CYP4X1: variants seen among roughly 807,000 people sequenced by gnomAD.
CYP4X1 encodes the protein cytochrome P450 4X1.
In CYP4X1, 44 loss-of-function variants were observed where a neutral mutation model predicts 57.9. That is an observed-to-expected ratio of 0.76 (90% CI 0.60 to 0.98). The LOEUF is 0.98. CYP4X1 is among the 50% of genes least tolerant of loss of function. The pLI, the probability that CYP4X1 is intolerant of heterozygous loss-of-function variation, is 0.00. For synonymous variants in CYP4X1, 227 were observed against 228.6 expected, an observed-to-expected ratio of 0.99 and a Z score of 0.06; for missense variants, 532 against 623.9, an observed-to-expected ratio of 0.85 and a Z score of 1.57.
chr1:47,016,967 G>A, the CYP4X1 span, among the ~76,000 whole-genome samples: 1 of 151,022 alleles, frequency 6.6e-6, no homozygotes, highest in Non-Finnish European at 1.5e-5. Flanking sequence ...GTCTTTCTGT[G>A]CCTGATTTAT....
At chr1:46,993,243 C>T in the CYP4X1 span, among the ~76,000 whole-genome samples, 1 of 151,992 alleles carries the variant, frequency 6.6e-6, no homozygotes, top group East Asian at 1.9e-4. Context: ...TCATCCATGT[C>T]CCTACAAAGG....
chr1:46,974,181 T>C, the CYP4X1 span, among the ~76,000 whole-genome samples: 4 of 152,154 alleles, frequency 2.6e-5, no homozygotes, highest in African/African-American at 4.8e-5. Flanking sequence ...TTTACCCAAA[T>C]GTTATTCAGA....
chr1:46,962,058 A>G, the CYP4X1 span, among the ~76,000 whole-genome samples: 1 of 152,238 alleles, frequency 6.6e-6, no homozygotes, highest in South Asian at 2.1e-4. Context: ...TTTTGGTCCA[A>G]AGACTGGTAC....
chr1:46,972,239 A>C, the CYP4X1 span, among the ~76,000 whole-genome samples: 2 of 152,168 alleles, frequency 1.3e-5, no homozygotes, highest in African/African-American at 4.8e-5. Context: ...GTCGAAGATC[A>C]CATGGTTGTA....
the CYP4X1 span, among the ~76,000 whole-genome samples, chr1:47,012,397 A>G: frequency 0.32 from 48,102 of 151,682 alleles, 8,063 homozygotes; most frequent in East Asian, 0.51. Context: ...ATCGCACACC[A>G]GGGCCTGTCA....
chr1:47,036,127 G>C lies in CYP4X1; in HGVS notation c.731G>C (p.Gly244Ala), dbSNP rs776087578. 1 of 1,613,494 alleles carries C rather than the reference G, an allele frequency of 6.2e-7. No homozygotes were observed. Among genetic ancestry groups the C allele is most frequent in the South Asian group, 1.1e-5 (1 of 91,000 alleles). ...SDIIFKLSPQGYRFQKLSRVL... is the reference protein window; with the variant it reads ...SDIIFKLSPQAYRFQKLSRVL... ...ATAATTTTCAAACTCAGCCCTCAGG[G>C]CTACCGCTTCCAGAAGTTAAGCCGA... is the stretch of plus-strand genomic sequence containing the variant. Residue 244 changes from glycine to alanine, a missense_variant, in exon 6 of 12, where the codon GGC (glycine) becomes GCC (alanine). Transcript: ENST00000371901.
At chr1:46,984,704 C>T in the CYP4X1 span, among the ~76,000 whole-genome samples, 5 of 152,158 alleles carry the variant, frequency 3.3e-5, no homozygotes, top group East Asian at 3.9e-4. Context: ...CCACGGTCTT[C>T]GCAACCTACA....
rs903052882 is a variant in CYP4X1 at position 47,033,248 on chromosome 1, A to G, written c.372A>G (p.Gly124=). The change falls in exon 4 of 12, where the codon GGA becomes GGG. Residue 124 remains glycine, a synonymous_variant. Coordinates refer to ENST00000371901, the MANE Select transcript of CYP4X1 (RefSeq NM_178033.2). ...QKFSPPLLGK[G]LAALDGPKWF... ...TGCCTTTTATTTCTCAAGGAAAAGGACTAGCGGCTCTAGACGGACCCAAGT... is the reference window on the plus strand; with the variant it reads ...TGCCTTTTATTTCTCAAGGAAAAGGGCTAGCGGCTCTAGACGGACCCAAGT... The G allele has an allele frequency of 6.2e-7, 1 of 1,612,782 alleles. No individual in the cohort carries two copies. Among genetic ancestry groups the G allele is most frequent in the African/African-American group, 1.3e-5 (1 of 74,910 alleles).
At chr1:46,973,834 G>C in the CYP4X1 span, among the ~76,000 whole-genome samples, 2 of 151,772 alleles carry the variant, frequency 1.3e-5, no homozygotes, top group Admixed American at 1.3e-4. Flanking sequence ...TAATCTAGCT[G>C]GTGGTCAGTC....
At chr1:47,022,281 G>GCCT (rs1185250751), upstream of CYP4X1, among the ~76,000 whole-genome samples, 45 of 128,476 alleles carry the variant, frequency 3.5e-4, 2 homozygotes, top group East Asian at 1.1e-3. Flanking sequence ...CCTGGGGCCT[G>GCCT]TCTTTTTTTT....
rs373701345 is a variant in CYP4X1, at chr1:47,050,093, G to T, written c.1449G>T (p.Arg483Ser). ...LHFRVTPDPT[R>S]PLTFPNHFIL... ...TCAGAGTGACTCCAGACCCCACCAG[G>T]CCTCTTACTTTCCCCAACCATTTTA... The change falls in exon 12 of 12, where the codon AGG (arginine) becomes AGT (serine). Residue 483 changes from arginine (R) to serine (S), a missense_variant. Arg to Ser is a moderately radical substitution (Grantham distance 110, BLOSUM62 -1). Transcript: ENST00000371901. 10 of 1,613,858 alleles carry T rather than the reference G, an allele frequency of 6.2e-6. No homozygotes were observed. The highest frequency in any genetic ancestry group is 4.0e-5 in the African/African-American group (3 of 74,858).
chr1:47,051,107 G>T (rs1051378856), downstream of CYP4X1, among the ~76,000 whole-genome samples: 1 of 152,138 alleles, frequency 6.6e-6, no homozygotes, highest in African/African-American at 2.4e-5. Flanking sequence ...AGACATTTAC[G>T]CAGCCAAAAG....
Position 47,046,590 on chromosome 1 carries a change from A to G in CYP4X1, c.1197A>G (p.Thr399=). The G allele has an allele frequency of 1.2e-6, 2 of 1,614,066 alleles. No individual in the cohort carries two copies. Among genetic ancestry groups the G allele is most frequent in the Non-Finnish European group, 1.7e-6 (2 of 1,180,012 alleles). The change falls in exon 9 of 12, where the codon ACA becomes ACG. Residue 399 remains threonine (T), a synonymous_variant. Coordinates refer to ENST00000371901, the MANE Select transcript of CYP4X1 (RefSeq NM_178033.2). The part of the protein sequence containing the change: ...SKPLTFPDGC[T]LPAGITVVLS... ...CACTTACCTTCCCAGATGGATGCAC[A>G]TTGCCTGCAGGTCTTTACATTCTTT...
chr1:47,019,865 A>G (rs937753836), upstream of CYP4X1, among the ~76,000 whole-genome samples: 1 of 152,266 alleles, frequency 6.6e-6, no homozygotes, highest in African/African-American at 2.4e-5. Context: ...AACTGAGTAC[A>G]TATAAATCAC....
chr1:46,976,284 C>G, the CYP4X1 span, among the ~76,000 whole-genome samples: 8 of 152,302 alleles, frequency 5.3e-5, no homozygotes, highest in South Asian at 1.7e-3. Context: ...AAAGGCATAT[C>G]AGGAGATTAT....
intron 3 of CYP4X1, among the ~76,000 whole-genome samples, chr1:47,032,767 G>T (rs1309098623): frequency 6.6e-6 from 1 of 152,122 alleles, no homozygotes; most frequent in Non-Finnish European, 1.5e-5. Flanking sequence ...GGATTGGTTT[G>T]GAGTGGAAAG....
the CYP4X1 span, among the ~76,000 whole-genome samples, chr1:46,962,901 G>T: frequency 3.6e-4 from 54 of 152,072 alleles, no homozygotes; most frequent in African/African-American, 1.2e-3. Flanking sequence ...CTCTTTGTAG[G>T]TCTCTAAGGA....
chr1:47,030,150 C>A lies in CYP4X1; in HGVS notation c.319+19C>A. 1.3e-6 allele frequency: 2 copies of A among 1,595,492 alleles called. No individual in the cohort carries two copies. The highest frequency in any genetic ancestry group is 2.3e-5 in the South Asian group (2 of 88,846). The stretch of plus-strand genomic sequence containing the variant: ...AGAACAGGTAAGAAGAGGGGGAAAG[C>A]TCTGGGACCTATTCCTCCTAGAAGT... On this transcript the variant is annotated intron_variant, in intron 2 of 11. Transcript: ENST00000371901.
At chr1:47,005,891 A>G in the CYP4X1 span, among the ~76,000 whole-genome samples, 1 of 152,202 alleles carries the variant, frequency 6.6e-6, no homozygotes, top group Non-Finnish European at 1.5e-5. Flanking sequence ...TTTTTGACAA[A>G]TGAGAGTAAT....
Sources: allele counts gnomAD v4.1 joint callset (sites outside exome capture counted in the v4.1 genomes callset), GRCh38; gene constraint gnomAD v4.1.1; transcripts MANE v1.5; gene names NCBI Gene and HGNC (gene_info 2026-07-23, HGNC 2026-07-21).